GFOD1: variants seen among roughly 807,000 people sequenced by gnomAD.
GFOD1 encodes glucose-fructose oxidoreductase domain-containing protein 1.
A neutral mutation model predicts 25.4 loss-of-function variants in GFOD1; 9 were observed. The ratio of observed to expected loss-of-function variants is 0.35; its 90% confidence interval spans 0.21 to 0.62. GFOD1 has a LOEUF of 0.62. GFOD1 is among the 20% of genes least tolerant of loss of function. The pLI is 0.72. For missense variants in GFOD1, 403 were observed against 556.9 expected, an observed-to-expected ratio of 0.72 and a Z score of 2.78; for synonymous variants, 253 against 245.6, an observed-to-expected ratio of 1.03 and a Z score of -0.28.
At chr6:13,404,460 T>A (rs1341931612) in intron 1 of GFOD1, among the ~76,000 whole-genome samples, 3 of 152,344 alleles carry the variant, frequency 2.0e-5, no homozygotes. Context: ...CTGTAGTATG[T>A]GAAACACGTG....
chr6:13,450,339 T>C (rs551082238), intron 1 of GFOD1, among the ~76,000 whole-genome samples: 47 of 152,348 alleles, frequency 3.1e-4, no homozygotes, highest in African/African-American at 1.1e-3. Context: ...ACTGGACTTA[T>C]CTTCACTTGC....
intron 1 of GFOD1, among the ~76,000 whole-genome samples, chr6:13,397,882 C>G (rs2127562716): frequency 6.6e-6 from 1 of 152,318 alleles, no homozygotes; most frequent in Middle Eastern, 3.4e-3. Context: ...GAACTGAAAA[C>G]AAATTTTGCA....
chr6:13,432,379 T>A (rs1326900345), intron 1 of GFOD1, among the ~76,000 whole-genome samples: 8 of 151,584 alleles, frequency 5.3e-5, no homozygotes, highest in Admixed American at 1.3e-4. Flanking sequence ...ATGGATAGTT[T>A]TTATTATTAT....
rs183642365 is a variant in GFOD1, at chr6:13,402,090, G to T, written c.254-36428C>A. Among the ~76,000 whole-genome samples the T allele has an allele frequency of 8.1e-4, 124 of 152,310 alleles. 3 individuals are homozygous for T. The East Asian group carries it at 0.018, about 22-fold the overall frequency. On this transcript the variant is annotated intron_variant, in intron 1 of 1. Transcript: ENST00000379287. Reference sequence around the variant, plus strand: ...AGTGCCAAAAAATTCAATGGGAAAAGAATCGTCTTTTTAACAAGTGGTGCT... The same window carrying T: ...AGTGCCAAAAAATTCAATGGGAAAATAATCGTCTTTTTAACAAGTGGTGCT...
intron 1 of GFOD1, among the ~76,000 whole-genome samples, chr6:13,484,877 G>A (rs1464375946): frequency 6.6e-6 from 1 of 152,180 alleles, no homozygotes; most frequent in Non-Finnish European, 1.5e-5. Context: ...TTAACAACAT[G>A]GTCTTTCAGA....
intron 1 of GFOD1, among the ~76,000 whole-genome samples, chr6:13,483,713 G>C (rs866020939): frequency 1.2e-4 from 19 of 152,162 alleles, no homozygotes; most frequent in African/African-American, 4.6e-4. Context: ...CCAACAGTCT[G>C]ACCTGGGCTG....
At chr6:13,384,156 A>G (rs1331338405) in intron 1 of GFOD1, among the ~76,000 whole-genome samples, 6 of 152,118 alleles carry the variant, frequency 3.9e-5, no homozygotes, top group Non-Finnish European at 7.4e-5. Flanking sequence ...GAACCCGGGG[A>G]TGGAGGTTGC....
At chr6:13,389,157 T>G (rs1446173271) in intron 1 of GFOD1, among the ~76,000 whole-genome samples, 2 of 152,208 alleles carry the variant, frequency 1.3e-5, no homozygotes, top group African/African-American at 2.4e-5. Flanking sequence ...ACTTTTACAC[T>G]GTTGGTGGGA....
At chr6:13,379,560 T>C (rs1336778321) in intron 1 of GFOD1, among the ~76,000 whole-genome samples, 2 of 152,244 alleles carry the variant, frequency 1.3e-5, no homozygotes, top group East Asian at 1.9e-4. Context: ...TGTCTACACC[T>C]GATGGGTTCT....
chr6:13,366,747 TAAGTCCCCA>T (rs1276691181), intron 1 of GFOD1, among the ~76,000 whole-genome samples: 1 of 152,086 alleles, frequency 6.6e-6, no homozygotes, highest in Admixed American at 6.5e-5. Flanking sequence ...CCCTACCCTC[TAAGTCCCCA>T]AAGTGCTGGG....
At chr6:13,431,485 T>A (rs1357720131) in intron 1 of GFOD1, among the ~76,000 whole-genome samples, 1 of 152,198 alleles carries the variant, frequency 6.6e-6, no homozygotes, top group Non-Finnish European at 1.5e-5. Context: ...GACTTTCAGT[T>A]TCTCTGTGAT....
intron 1 of GFOD1, among the ~76,000 whole-genome samples, chr6:13,447,474 C>T (rs148006512): frequency 2.6e-5 from 4 of 152,164 alleles, no homozygotes; most frequent in African/African-American, 9.6e-5. Flanking sequence ...CAGTGGCTCA[C>T]GCCTGTAATT....
At chr6:13,380,704 G>A (rs1785346943) in intron 1 of GFOD1, among the ~76,000 whole-genome samples, 1 of 152,176 alleles carries the variant, frequency 6.6e-6, no homozygotes, top group African/African-American at 2.4e-5. Flanking sequence ...AGCTAGCTAT[G>A]CAAGGCTGTA....
chr6:13,468,521 G>A (rs1313966807), intron 1 of GFOD1, among the ~76,000 whole-genome samples: 6 of 152,154 alleles, frequency 3.9e-5, no homozygotes, highest in Non-Finnish European at 8.8e-5. Flanking sequence ...GAAGTCAACC[G>A]CCTCGTTTTC....
intron 1 of GFOD1, among the ~76,000 whole-genome samples, chr6:13,466,706 C>G (rs2841554): frequency 0.92 from 139,825 of 152,262 alleles, 65,344 homozygotes; most frequent in East Asian, 1. Flanking sequence ...CAGTGGACCA[C>G]AACCTGCTTC....
At chr6:13,423,805 C>T (rs1441964761) in intron 1 of GFOD1, among the ~76,000 whole-genome samples, 8 of 152,192 alleles carry the variant, frequency 5.3e-5, no homozygotes, top group African/African-American at 7.2e-5. Flanking sequence ...ATCTACCTCC[C>T]GCCCGAAGCA....
chr6:13,442,188 T>G (rs1006941579), intron 1 of GFOD1, among the ~76,000 whole-genome samples: 3 of 152,268 alleles, frequency 2.0e-5, no homozygotes, highest in African/African-American at 7.2e-5. Context: ...GTATGTGAGG[T>G]ACTGCTTATG....
intron 1 of GFOD1, among the ~76,000 whole-genome samples, chr6:13,416,599 G>A (rs1267807317): frequency 6.6e-6 from 1 of 152,218 alleles, no homozygotes; most frequent in Non-Finnish European, 1.5e-5. Context: ...GTCATTTGGT[G>A]AGGGGGAGAG....
At chr6:13,370,692 T>C (rs916889562) in intron 1 of GFOD1, among the ~76,000 whole-genome samples, 1 of 139,372 alleles carries the variant, frequency 7.2e-6, no homozygotes, top group Admixed American at 7.6e-5. Flanking sequence ...AGACACTGTG[T>C]GTGTGTGTAT....
Sources: gnomAD v4.1 joint callset for allele counts (sites outside exome capture counted in the v4.1 genomes callset) on GRCh38, gnomAD v4.1.1 for gene constraint, MANE v1.5 for transcripts, NCBI Gene and HGNC (gene_info 2026-07-23, HGNC 2026-07-21) for gene names.